Variants in CTBP2 observed in about 807,000 individuals in gnomAD.
The protein encoded by CTBP2 is C-terminal binding protein 2.
In CTBP2, 30 loss-of-function variants were observed where a neutral mutation model predicts 80.3. The ratio of observed to expected loss-of-function variants is 0.37; its 90% CI spans 0.28 to 0.51. The LOEUF is 0.51. CTBP2 is among the 20% of genes least tolerant of loss of function. CTBP2 has a pLI of 0.93. For missense variants in CTBP2, 1,212 were observed against 1,375.3 expected, an observed-to-expected ratio of 0.88 and a Z score of 1.88; for synonymous variants, 594 against 587.4, an observed-to-expected ratio of 1.01 and a Z score of -0.16.
At chr10:125,125,505 A>G (rs1855082658) in intron 1 of CTBP2, among the ~76,000 whole-genome samples, 1 of 152,200 alleles carries the variant, frequency 6.6e-6, no homozygotes, top group Admixed American at 6.5e-5. Flanking sequence ...TCATTTTCAT[A>G]AAAAGCAAAC....
intron 2 of CTBP2, among the ~76,000 whole-genome samples, chr10:125,110,356 T>G (rs867079272): frequency 3.3e-5 from 5 of 152,282 alleles, no homozygotes; most frequent in Middle Eastern, 3.4e-3. Flanking sequence ...CATGCCGAAA[T>G]GAAACTTAGA....
chr10:125,108,536 CCTT>C (rs1279566650), intron 2 of CTBP2, among the ~76,000 whole-genome samples: 2 of 152,198 alleles, frequency 1.3e-5, no homozygotes, highest in Non-Finnish European at 2.9e-5. Context: ...CACATGACCT[CCTT>C]GTGTTGCTGC....
intron 1 of CTBP2, among the ~76,000 whole-genome samples, chr10:125,152,012 TG>T (rs947791210): frequency 2.7e-5 from 4 of 149,910 alleles, no homozygotes; most frequent in African/African-American, 9.8e-5. Context: ...AGGCGCGAGG[TG>T]GGGGGGCCCG....
intron 2 of CTBP2, among the ~76,000 whole-genome samples, chr10:125,060,722 AG>A (rs1964807199): frequency 1.3e-5 from 2 of 152,326 alleles, no homozygotes; most frequent in South Asian, 4.1e-4. Flanking sequence ...GGAAGCCAAG[AG>A]GAGAGATTGC....
chr10:125,152,119 C>A (rs997214561), intron 1 of CTBP2, among the ~76,000 whole-genome samples: 23 of 151,968 alleles, frequency 1.5e-4, no homozygotes, highest in African/African-American at 5.6e-4. Flanking sequence ...GGCCGCGCCG[C>A]CAGGTGTTCT....
chr10:125,000,572 C>G (rs1052688462), intron 3 of CTBP2: 9 of 152,216 alleles, frequency 5.9e-5, no homozygotes, highest in African/African-American at 2.2e-4. Context: ...GTCTTCCCGG[C>G]TCGTGGGGAG....
chr10:125,048,594 GC>G (rs2135150396), intron 2 of CTBP2, among the ~76,000 whole-genome samples: 1 of 152,294 alleles, frequency 6.6e-6, no homozygotes, highest in South Asian at 2.1e-4. Flanking sequence ...GGAGGTACAG[GC>G]CAAGAAGGAG....
In CTBP2 at chr10:125,026,664, G is replaced by A. The variant is rs370105014; in HGVS notation, c.1096C>T (p.Arg366Trp). 53 of 1,603,028 alleles carry A rather than the reference G, an allele frequency of 3.3e-5. No individual in the cohort carries two copies. Among genetic ancestry groups the A allele is most frequent in the South Asian group, 2.3e-4 (21 of 90,012 alleles). Residue 366 changes from arginine to tryptophan, a missense_variant, in exon 1 of 9, where the codon CGG becomes TGG. Coordinates refer to ENST00000309035, the MANE Select transcript of CTBP2 (RefSeq NM_022802.3). ...TGGCTGAAGCTGCTGGACCGCGCCC[G>A]GGGCAGCGGGCCCCCCCGGTCCTGC... is the stretch of plus-strand genomic sequence containing the variant.
At chr10:124,996,373 C>G (rs1039817122) in intron 4 of CTBP2, 5 of 152,172 alleles carry the variant, frequency 3.3e-5, no homozygotes, top group Non-Finnish European at 7.3e-5. Context: ...CCGAGGCCAG[C>G]AAAAGCTCTT....
At chr10:125,009,938 G>A (rs182900113) in intron 1 of CTBP2, among the ~76,000 whole-genome samples, 24 of 152,286 alleles carry the variant, frequency 1.6e-4, no homozygotes, top group African/African-American at 5.5e-4. Flanking sequence ...GTTCTAAACC[G>A]TCAGACGTGG....
At chr10:125,141,275 C>T (rs1857765039) in intron 1 of CTBP2, among the ~76,000 whole-genome samples, 1 of 152,166 alleles carries the variant, frequency 6.6e-6, no homozygotes, top group African/African-American at 2.4e-5. Flanking sequence ...CACAAGTCTC[C>T]AGCGCCTTCT....
At chr10:125,039,714 C>G (rs1380106779) in intron 2 of CTBP2, among the ~76,000 whole-genome samples, 1 of 152,226 alleles carries the variant, frequency 6.6e-6, no homozygotes, top group Non-Finnish European at 1.5e-5. Flanking sequence ...TGGGAAGCCC[C>G]AGCAGCTCCT....
In CTBP2 at chr10:125,027,023, G is replaced by A; in HGVS notation, c.737C>T (p.Thr246Ile). The stretch of plus-strand genomic sequence containing the variant: ...ATTCAGGGCCCCTGGGGCCACCCCT[G>A]TGCTGCCTTCGGGGGCAGCAGCTGA... The change falls in exon 1 of 9, where the codon ACA (threonine) becomes ATA (isoleucine). Residue 246 changes from threonine (T) to isoleucine (I), a missense_variant. Thr to Ile is a moderately conservative substitution (Grantham distance 89, BLOSUM62 -1). Transcript: ENST00000309035. 25 of 1,613,626 alleles carry A rather than the reference G, an allele frequency of 1.5e-5. No individual in the cohort carries two copies. The highest frequency in any genetic ancestry group is 2.1e-5 in the Non-Finnish European group (25 of 1,179,786).
intron 1 of CTBP2, among the ~76,000 whole-genome samples, chr10:125,010,219 TAAAAAA>T (rs59517853): frequency 7.5e-5 from 8 of 105,996 alleles, no homozygotes; most frequent in Admixed American, 3.1e-4. Context: ...ATTTTAAGGT[TAAAAAA>T]AAAAAAAAAA....
chr10:125,139,411 T>C (rs940480794), intron 1 of CTBP2, among the ~76,000 whole-genome samples: 12 of 151,366 alleles, frequency 7.9e-5, no homozygotes, highest in Admixed American at 3.3e-4. Context: ...GTAGCTACTA[T>C]TATAATTATT....
intron 2 of CTBP2, among the ~76,000 whole-genome samples, chr10:125,043,778 G>T (rs190730220): frequency 3.9e-5 from 6 of 152,198 alleles, no homozygotes; most frequent in Non-Finnish European, 8.8e-5. Flanking sequence ...CCTTCATCAA[G>T]AATAGGCAGC....
intron 1 of CTBP2, among the ~76,000 whole-genome samples, chr10:125,011,296 C>T (rs577228010): frequency 3.7e-4 from 56 of 152,342 alleles, no homozygotes; most frequent in Middle Eastern, 3.4e-3. Context: ...AATAGATTTG[C>T]TTCTTAAATA....
intron 1 of CTBP2, among the ~76,000 whole-genome samples, chr10:125,145,491 GGGCAGGGTAGGGCAGGGCAC>G (rs1299327619): frequency 6.6e-6 from 1 of 152,140 alleles, no homozygotes; most frequent in Non-Finnish European, 1.5e-5. Flanking sequence ...CTGTCCCTTG[GGGCAGGGTAGGGCAGGGCAC>G]GGCAGGGGGC....
intron 1 of CTBP2, among the ~76,000 whole-genome samples, chr10:125,006,428 C>G (rs1256186960): frequency 6.6e-6 from 1 of 152,184 alleles, no homozygotes; most frequent in East Asian, 1.9e-4. Flanking sequence ...AAGGTTTGCT[C>G]TAGAAGGGAA....
Sources: allele counts gnomAD v4.1 joint callset (sites outside exome capture counted in the v4.1 genomes callset), GRCh38; gene constraint gnomAD v4.1.1; transcripts MANE v1.5; gene names NCBI Gene and HGNC (gene_info 2026-07-23, HGNC 2026-07-21).